ME1: variants seen among roughly 807,000 people sequenced by gnomAD.
ME1 encodes NADP-dependent malic enzyme.
Under a neutral mutation model 66.4 loss-of-function variants are expected in ME1, and 74 were observed. The observed-to-expected ratio is 1.11, with a 90% CI of 0.92 to 1.35. ME1 has a LOEUF of 1.35. Ranked by LOEUF, ME1 falls within the 40% of genes most tolerant of loss-of-function variation. The pLI is 0.00. For missense variants in ME1, 750 were observed against 694.1 expected (o/e 1.08, Z -0.90); for synonymous variants, 251 against 235.6 (o/e 1.07, Z -0.60).
chr6:83,227,531 A>G lies in ME1; in HGVS notation c.1133-54T>C, dbSNP rs1790221168. On this transcript the variant is annotated intron_variant, in intron 10 of 13. Coordinates refer to ENST00000369705, the MANE Select transcript of ME1 (RefSeq NM_002395.6). ...AACACTATCATTGGTTAATTCACAC[A>G]AGAAGACCATGCCTCAAATCAATGA... The G allele has an allele frequency of 7.0e-6, 10 of 1,424,510 alleles. 1 individual carries two copies. The highest frequency in any genetic ancestry group is 9.5e-6 in the Non-Finnish European group (10 of 1,049,978). 88.2% of individuals were successfully genotyped at this position (1,424,510 alleles called of 1,614,324 possible). A position where few individuals can be genotyped will look rare whatever the true frequency, so the allele number is the denominator to read the frequency against.
chr6:83,421,707 C>CA (rs1241859267), intron 1 of ME1, among the ~76,000 whole-genome samples: 1 of 152,136 alleles, frequency 6.6e-6, no homozygotes, highest in African/African-American at 2.4e-5. Flanking sequence ...CCTTATCTTT[C>CA]TGGTCCAAGA....
At chr6:83,249,009 G>T (rs1364671346) in intron 7 of ME1, among the ~76,000 whole-genome samples, 1 of 151,754 alleles carries the variant, frequency 6.6e-6, no homozygotes, top group Non-Finnish European at 1.5e-5. Flanking sequence ...ATATAAAAAA[G>T]AATAAAACAC....
chr6:83,298,931 G>GTTTTTTTTTTTTTTTTTTTT (rs61055748), intron 6 of ME1, among the ~76,000 whole-genome samples: 2 of 22,458 alleles, frequency 8.9e-5, no homozygotes, highest in Non-Finnish European at 1.6e-4. Context: ...CTATGTGTCT[G>GTTTTTTTTTTTTTTTTTTTT]TTTTTTTTTT....
intron 7 of ME1, among the ~76,000 whole-genome samples, chr6:83,252,255 C>CTGT (rs1007272945): frequency 3.7e-4 from 56 of 151,622 alleles, no homozygotes; most frequent in African/African-American, 7.7e-4. Flanking sequence ...AGCAGGAGTT[C>CTGT]TGTTGTTGTT....
chr6:83,303,759 C>T (rs1405280744), intron 6 of ME1, among the ~76,000 whole-genome samples: 1 of 151,976 alleles, frequency 6.6e-6, no homozygotes, highest in East Asian at 1.9e-4. Context: ...AATTCTAATC[C>T]ATCATCTCAC....
chr6:83,304,705 G>A (rs1007425000), intron 6 of ME1, among the ~76,000 whole-genome samples: 4 of 152,132 alleles, frequency 2.6e-5, no homozygotes, highest in Admixed American at 1.3e-4. Context: ...ATTCTGGCTT[G>A]CTTTATAGTT....
At chr6:83,403,799 G>C (rs920485816) in intron 2 of ME1, among the ~76,000 whole-genome samples, 2 of 152,126 alleles carry the variant, frequency 1.3e-5, no homozygotes, top group Admixed American at 6.5e-5. Flanking sequence ...ATGGTTTCCA[G>C]CTTATCGATG....
chr6:83,230,636 A>G (rs769860740), intron 9 of ME1, among the ~76,000 whole-genome samples: 2 of 152,124 alleles, frequency 1.3e-5, no homozygotes, highest in Non-Finnish European at 2.9e-5. Flanking sequence ...TTCTCCTATT[A>G]ATAATCTGCT....
At chr6:83,258,018 T>G (rs1766815318) in intron 6 of ME1, among the ~76,000 whole-genome samples, 1 of 152,144 alleles carries the variant, frequency 6.6e-6, no homozygotes, top group South Asian at 2.1e-4. Context: ...TACTACTTAC[T>G]TGGTTCTGCG....
intron 6 of ME1, among the ~76,000 whole-genome samples, chr6:83,257,752 C>A (rs1356709844): frequency 1.3e-5 from 2 of 152,110 alleles, no homozygotes; most frequent in South Asian, 2.1e-4. Context: ...CAACTAAGTA[C>A]CCCAAACACA....
intron 6 of ME1, among the ~76,000 whole-genome samples, chr6:83,296,469 C>G (rs538913377): frequency 1.1e-4 from 17 of 152,208 alleles, no homozygotes; most frequent in Admixed American, 7.2e-4. Context: ...ATTCAACATC[C>G]CTTTCTGTTA....
At position 83,249,472 on chromosome 6, in the gene ME1, G is replaced by A. The variant is rs187060969; in HGVS notation, c.814+4157C>T. Among the ~76,000 whole-genome samples, 564 of 152,136 alleles carry A rather than the reference G, an allele frequency of 3.7e-3. 5 individuals are homozygous for A. Among genetic ancestry groups the A allele is most frequent in the African/African-American group, 0.013 (525 of 41,516 alleles). On this transcript the variant is annotated intron_variant, in intron 7 of 13. Transcript: ENST00000369705. ...GAACTCCTGACTTCGTGATCCGCCCGCCTTGGCCTCCCAAAGTGCTGGGAT... is the reference window on the plus strand; with the variant it reads ...GAACTCCTGACTTCGTGATCCGCCCACCTTGGCCTCCCAAAGTGCTGGGAT...
chr6:83,384,516 A>T (rs762341391), intron 3 of ME1, among the ~76,000 whole-genome samples: 16 of 151,638 alleles, frequency 1.1e-4, no homozygotes, highest in African/African-American at 3.9e-4. Context: ...TGTAAATTTA[A>T]GTTCCTTATA....
At chr6:83,399,105 C>T (rs1264223268) in intron 2 of ME1, among the ~76,000 whole-genome samples, 1 of 152,032 alleles carries the variant, frequency 6.6e-6, no homozygotes, top group Admixed American at 6.6e-5. Context: ...GCGTTTTCTC[C>T]TGCCTCAGCC....
At chr6:83,402,210 A>G (rs1166461316) in intron 2 of ME1, among the ~76,000 whole-genome samples, 1 of 152,204 alleles carries the variant, frequency 6.6e-6, no homozygotes, top group African/African-American at 2.4e-5. Context: ...ATACCTTGCA[A>G]AGCTGAGGCA....
At chr6:83,266,506 G>GTA (rs753072604) in intron 6 of ME1, among the ~76,000 whole-genome samples, 4 of 78,210 alleles carry the variant, frequency 5.1e-5, no homozygotes, top group Non-Finnish European at 1.4e-4. Flanking sequence ...CAAATTAATA[G>GTA]TTTCTTATGG....
intron 6 of ME1, among the ~76,000 whole-genome samples, chr6:83,290,557 T>C (rs1245311582): frequency 2.0e-5 from 3 of 152,184 alleles, no homozygotes; most frequent in African/African-American, 7.2e-5. Flanking sequence ...ATGTGGTCAA[T>C]TTTAGAATAA....
At chr6:83,224,402 G>T (rs1321268636) in intron 11 of ME1, among the ~76,000 whole-genome samples, 1 of 152,098 alleles carries the variant, frequency 6.6e-6, no homozygotes, top group East Asian at 1.9e-4. Context: ...AGTTATGTGG[G>T]CTAGGCACAG....
chr6:83,362,338 T>C (rs551711254), intron 3 of ME1, among the ~76,000 whole-genome samples: 3 of 152,246 alleles, frequency 2.0e-5, no homozygotes, highest in South Asian at 2.1e-4. Context: ...GTGAAGATAT[T>C]TGTATCCCAT....
Sources: allele counts gnomAD v4.1 joint callset (sites outside exome capture counted in the v4.1 genomes callset), GRCh38; gene constraint gnomAD v4.1.1; transcripts MANE v1.5; gene names NCBI Gene and HGNC (gene_info 2026-07-23, HGNC 2026-07-21).